Variants in HDAC9 observed in about 807,000 individuals in gnomAD.
The protein encoded by HDAC9 is MEF-2 interacting transcription repressor (MITR) protein.
Under a neutral mutation model 139.4 loss-of-function variants are expected in HDAC9, and 41 were observed. The ratio of observed to expected loss-of-function variants is 0.29; its 90% CI spans 0.23 to 0.38. The LOEUF is 0.38. Among genes scored for constraint, HDAC9 ranks in the 10% least tolerant of loss-of-function variants. HDAC9 has a pLI of 1.00. For synonymous variants in HDAC9, 517 were observed against 476.2 expected, an observed-to-expected ratio of 1.09 and a Z score of -1.12; for missense variants, 1,147 against 1,297.0, an observed-to-expected ratio of 0.88 and a Z score of 1.78.
At chr7:18,744,719 C>A (rs528632529) in intron 13 of HDAC9, among the ~76,000 whole-genome samples, 1 of 151,714 alleles carries the variant, frequency 6.6e-6, no homozygotes, top group African/African-American at 2.4e-5. Flanking sequence ...CAACTACATG[C>A]AATAAAGAAG....
At chr7:18,709,308 G>C (rs1281722335) in intron 12 of HDAC9, among the ~76,000 whole-genome samples, 1 of 152,030 alleles carries the variant, frequency 6.6e-6, no homozygotes, top group African/African-American at 2.4e-5. Flanking sequence ...TTGGTTTTCT[G>C]TTCCTGTGTT....
intron 24 of HDAC9, among the ~76,000 whole-genome samples, chr7:18,964,231 C>T (rs75888612): frequency 1.3e-5 from 2 of 152,298 alleles, no homozygotes; most frequent in African/African-American, 2.4e-5. Context: ...TATTTTTCCA[C>T]CTTCCTCAAG....
At chr7:18,229,306 A>G (rs1584745600) in intron 2 of HDAC9, among the ~76,000 whole-genome samples, 1 of 152,126 alleles carries the variant, frequency 6.6e-6, no homozygotes, top group African/African-American at 2.4e-5. Flanking sequence ...TTACCCATCT[A>G]ATTTGCTCAT....
chr7:18,945,158 A>G (rs886153297), intron 23 of HDAC9, among the ~76,000 whole-genome samples: 1 of 152,214 alleles, frequency 6.6e-6, no homozygotes, highest in Non-Finnish European at 1.5e-5. Context: ...GTGGCATACA[A>G]GTGTTTACAC....
intron 2 of HDAC9, among the ~76,000 whole-genome samples, chr7:18,167,292 CAT>C (rs769335730): frequency 6.6e-6 from 1 of 151,524 alleles, no homozygotes; most frequent in Non-Finnish European, 1.5e-5. Flanking sequence ...AAGTTTGAAA[CAT>C]AAACCAAATG....
intron 1 of HDAC9, among the ~76,000 whole-genome samples, chr7:18,363,522 C>A (rs983398761): frequency 1.3e-5 from 2 of 152,138 alleles, no homozygotes; most frequent in Non-Finnish European, 2.9e-5. Context: ...TTATTATTTG[C>A]ATTTGGTACT....
At chr7:18,203,812 G>C (rs997141579) in intron 2 of HDAC9, among the ~76,000 whole-genome samples, 2 of 152,216 alleles carry the variant, frequency 1.3e-5, no homozygotes, top group Non-Finnish European at 2.9e-5. Context: ...ATCTGGTAGA[G>C]TTGTGTGAAC....
intron 1 of HDAC9, among the ~76,000 whole-genome samples, chr7:18,123,913 A>C (rs1246042824): frequency 6.6e-6 from 1 of 152,222 alleles, no homozygotes; most frequent in East Asian, 1.9e-4. Context: ...TGTCCACCAA[A>C]TATGTAAGAA....
intron 2 of HDAC9, among the ~76,000 whole-genome samples, chr7:18,522,784 C>T (rs1805506427): frequency 6.6e-6 from 1 of 152,018 alleles, no homozygotes; most frequent in Non-Finnish European, 1.5e-5. Context: ...TATGAATTTT[C>T]AATGTATAAT....
chr7:18,820,691 C>A (rs1413553418), intron 17 of HDAC9, among the ~76,000 whole-genome samples: 1 of 152,002 alleles, frequency 6.6e-6, no homozygotes, highest in Non-Finnish European at 1.5e-5. Flanking sequence ...CTTTACTGGC[C>A]ACTATATGTC....
At chr7:18,368,122 C>T (rs1424248002) in intron 1 of HDAC9, among the ~76,000 whole-genome samples, 1 of 152,098 alleles carries the variant, frequency 6.6e-6, no homozygotes, top group Non-Finnish European at 1.5e-5. Context: ...CATCCTTTCA[C>T]TTCCTTTTAG....
In HDAC9 at chr7:18,996,076, C is replaced by A. The variant is rs761599853; in HGVS notation, c.*14C>A. 1 of 1,594,744 alleles carries A rather than the reference C, an allele frequency of 6.3e-7. No homozygotes were observed. Among genetic ancestry groups the A allele is most frequent in the Non-Finnish European group, 8.6e-7 (1 of 1,167,784 alleles). On this transcript the variant is annotated 3_prime_UTR_variant, in exon 26 of 26. Coordinates refer to ENST00000686413, the MANE Select transcript of HDAC9 (RefSeq NM_178425.4). Reference sequence around the variant, plus strand: ...CCAGCCTTGTGAAGTGCCAAGTCCCCCTCTGATATTTCCTGTGTGTGACAT... The same window carrying A: ...CCAGCCTTGTGAAGTGCCAAGTCCCACTCTGATATTTCCTGTGTGTGACAT...
chr7:18,129,044 C>T (rs1255033473), intron 1 of HDAC9, among the ~76,000 whole-genome samples: 1 of 152,090 alleles, frequency 6.6e-6, no homozygotes, highest in African/African-American at 2.4e-5. Flanking sequence ...TAACATAAGC[C>T]CCTAATCCTT....
At chr7:18,788,295 T>C (rs183379510) in intron 16 of HDAC9, among the ~76,000 whole-genome samples, 49 of 152,240 alleles carry the variant, frequency 3.2e-4, no homozygotes, top group Non-Finnish European at 1.5e-5. Flanking sequence ...CTCTCCCATA[T>C]CATACCCCTT....
intron 1 of HDAC9, among the ~76,000 whole-genome samples, chr7:18,302,595 T>A (rs565972765): frequency 1.3e-5 from 2 of 152,252 alleles, no homozygotes; most frequent in South Asian, 2.1e-4. Context: ...AAGGAAAAAA[T>A]TTATGTAAAG....
In HDAC9 at chr7:18,131,634, T is replaced by C. The variant is rs141037951; in HGVS notation, c.-96-30595T>C. On this transcript the variant is annotated intron_variant, in intron 1 of 12. Coordinates refer to the HDAC9 transcript ENST00000417496. Reference sequence around the variant, plus strand: ...GGCAGAAAAGGAAGAGTCAGTGTGTTTCCTAAGCCAAAGCTTTGGTCATTG... The same window carrying C: ...GGCAGAAAAGGAAGAGTCAGTGTGTCTCCTAAGCCAAAGCTTTGGTCATTG... Among the ~76,000 whole-genome samples the C allele has an allele frequency of 2.2e-3, 328 of 152,278 alleles. 1 individual carries two copies. The highest frequency in any genetic ancestry group is 7.4e-3 in the African/African-American group (309 of 41,552).
At chr7:18,475,377 G>A (rs1343269308) in intron 1 of HDAC9, among the ~76,000 whole-genome samples, 2 of 152,194 alleles carry the variant, frequency 1.3e-5, no homozygotes, top group African/African-American at 4.8e-5. Flanking sequence ...TAATTTTATA[G>A]AGGGTGCCAA....
rs189191352 is a variant in HDAC9, at chr7:18,604,279, T to C, written c.664+10250T>C. Among the ~76,000 whole-genome samples, 9 of 152,308 alleles carry C rather than the reference T, an allele frequency of 5.9e-5. No individual in the cohort carries two copies. The East Asian group carries it at 1.7e-3, about 29-fold the overall frequency. On this transcript the variant is annotated intron_variant, in intron 6 of 25. Transcript: ENST00000686413. ...TACCTTTTGCAATTTTCTTAGAGTA[T>C]TGGGGAATTCTGTTCCATTTAAAAA...
At chr7:18,125,951 A>G (rs1311146615) in intron 1 of HDAC9, among the ~76,000 whole-genome samples, 3 of 152,176 alleles carry the variant, frequency 2.0e-5, no homozygotes, top group East Asian at 1.9e-4. Flanking sequence ...CCCTGAGTCT[A>G]TCTGGCTATC....
Sources: gnomAD v4.1 joint callset for allele counts (sites outside exome capture counted in the v4.1 genomes callset) on GRCh38, gnomAD v4.1.1 for gene constraint, MANE v1.5 for transcripts, NCBI Gene and HGNC (gene_info 2026-07-23, HGNC 2026-07-21) for gene names.